ASPH: variants seen among roughly 807,000 people sequenced by gnomAD.
ASPH encodes aspartyl/asparaginyl beta-hydroxylase.
In ASPH, 100 loss-of-function variants were observed where a neutral mutation model predicts 118.4. That is an observed-to-expected ratio of 0.84 (90% CI 0.72 to 1.00). ASPH has a LOEUF of 1.00. Ranked by LOEUF, ASPH falls within the 50% of genes least tolerant of loss-of-function variation. ASPH has a pLI of 0.00. For missense variants in ASPH, 920 were observed against 919.5 expected (o/e 1.00, Z -0.01); for synonymous variants, 315 against 325.6 (o/e 0.97, Z 0.35).
rs951924583 is a variant in ASPH at position 61,547,535 on chromosome 8, A to G, written c.1764+536T>C. Among the ~76,000 whole-genome samples, 12 of 152,192 alleles carry G rather than the reference A, an allele frequency of 7.9e-5. No individual in the cohort carries two copies. The East Asian group carries it at 2.3e-3, about 29-fold the overall frequency. The stretch of plus-strand genomic sequence containing the variant: ...TTTTCCAGAAGCTACATGAGGTAGG[A>G]CATCACAGCTCTAACAGGTACATGT... On this transcript the variant is annotated intron_variant, in intron 21 of 24. Transcript: ENST00000379454.
intron 14 of ASPH, among the ~76,000 whole-genome samples, chr8:61,590,897 A>G (rs7834148): frequency 0.26 from 39,648 of 151,938 alleles, 6,013 homozygotes; most frequent in African/African-American, 0.41. Context: ...TCTTCTATCA[A>G]GTTTAAGGCA....
At chr8:61,604,561 C>A (rs914989065) in intron 14 of ASPH, among the ~76,000 whole-genome samples, 2 of 152,162 alleles carry the variant, frequency 1.3e-5, no homozygotes, top group Non-Finnish European at 2.9e-5. Flanking sequence ...AGCATACTGT[C>A]ACTTAGAAGG....
intron 1 of ASPH, among the ~76,000 whole-genome samples, chr8:61,704,839 T>C (rs190771120): frequency 6.6e-6 from 1 of 152,320 alleles, no homozygotes; most frequent in Admixed American, 6.5e-5. Context: ...TTGGTACATA[T>C]GTAGAACAAC....
intron 1 of ASPH, among the ~76,000 whole-genome samples, chr8:61,705,989 T>C (rs1299119216): frequency 3.3e-5 from 5 of 152,236 alleles, no homozygotes; most frequent in African/African-American, 9.6e-5. Flanking sequence ...TGGATACATA[T>C]TTTTTAAGTT....
intron 14 of ASPH, among the ~76,000 whole-genome samples, chr8:61,588,279 G>T (rs754318643): frequency 6.6e-6 from 1 of 152,140 alleles, no homozygotes; most frequent in Non-Finnish European, 1.5e-5. Context: ...TACTTCCCTT[G>T]CCAGGCTGTG....
intron 14 of ASPH, among the ~76,000 whole-genome samples, chr8:61,597,362 G>A (rs780577509): frequency 6.6e-6 from 1 of 151,486 alleles, no homozygotes; most frequent in African/African-American, 2.4e-5. Context: ...AGAAAAGAAA[G>A]GAAAGAAAAG....
intron 3 of ASPH, among the ~76,000 whole-genome samples, chr8:61,670,979 T>C (rs374083612): frequency 6.6e-6 from 1 of 152,102 alleles, no homozygotes; most frequent in Admixed American, 6.6e-5. Context: ...AGGGAAACTG[T>C]TGGAGCAGCA....
chr8:61,625,455 T>G (rs1012094549), intron 13 of ASPH: 12 of 985,276 alleles, frequency 1.2e-5, no homozygotes, highest in Middle Eastern at 5.2e-4. Flanking sequence ...TATACAGGTT[T>G]TCTAAAATTT....
At chr8:61,577,642 T>C (rs557058465) in intron 15 of ASPH, among the ~76,000 whole-genome samples, 7 of 152,126 alleles carry the variant, frequency 4.6e-5, no homozygotes, top group Non-Finnish European at 1.0e-4. Context: ...CTTGCGATTG[T>C]GGCAGAAGGC....
intron 17 of ASPH, among the ~76,000 whole-genome samples, chr8:61,564,545 C>G (rs1034279983): frequency 7.2e-5 from 11 of 152,248 alleles, no homozygotes; most frequent in Non-Finnish European, 1.3e-4. Flanking sequence ...GTGATCTGCC[C>G]ATCTTGGCTT....
At chr8:61,573,836 A>G (rs1330432374) in intron 16 of ASPH, among the ~76,000 whole-genome samples, 2 of 152,250 alleles carry the variant, frequency 1.3e-5, no homozygotes, top group Non-Finnish European at 2.9e-5. Flanking sequence ...AACAAAAGCC[A>G]AAATTGACAA....
intron 13 of ASPH, chr8:61,626,012 A>G: frequency 8.3e-7 from 1 of 1,210,894 alleles, no homozygotes. Flanking sequence ...AAGAAAAAAG[A>G]AATCCAATGG....
chr8:61,539,044 C>T (rs940306740), intron 21 of ASPH, among the ~76,000 whole-genome samples: 3 of 152,014 alleles, frequency 2.0e-5, no homozygotes, highest in Admixed American at 6.5e-5. Context: ...GAGTTTGAGA[C>T]CAGCTTGGCC....
chr8:61,629,471 G>A (rs1034041929), intron 13 of ASPH, among the ~76,000 whole-genome samples: 4 of 152,124 alleles, frequency 2.6e-5, no homozygotes, highest in African/African-American at 9.7e-5. Flanking sequence ...GTGAAAACCT[G>A]CTAATGGATG....
intron 15 of ASPH, chr8:61,578,918 G>A (rs1836361487): frequency 6.2e-7 from 1 of 1,611,698 alleles, no homozygotes; most frequent in African/African-American, 1.3e-5. Flanking sequence ...AGGAGATCCG[G>A]GAGCTGCAGT....
chr8:61,541,206 A>T (rs924864864), intron 21 of ASPH, among the ~76,000 whole-genome samples: 1 of 149,376 alleles, frequency 6.7e-6, no homozygotes, highest in East Asian at 2.2e-4. Flanking sequence ...ATTCATATTA[A>T]AAAAAAAATT....
At chr8:61,550,778 C>T (rs1223136234) in intron 20 of ASPH, among the ~76,000 whole-genome samples, 1 of 152,212 alleles carries the variant, frequency 6.6e-6, no homozygotes, top group African/African-American at 2.4e-5. Flanking sequence ...CAAGAAACAA[C>T]ATCCAGGTTC....
At chr8:61,512,555 C>A (rs1809306731) in intron 24 of ASPH, among the ~76,000 whole-genome samples, 1 of 152,186 alleles carries the variant, frequency 6.6e-6, no homozygotes, top group Non-Finnish European at 1.5e-5. Flanking sequence ...GCCTCCAGAA[C>A]CACGAAATAA....
At chr8:61,505,948 G>A (rs1431938671) in intron 24 of ASPH, among the ~76,000 whole-genome samples, 2 of 152,152 alleles carry the variant, frequency 1.3e-5, no homozygotes, top group East Asian at 1.9e-4. Context: ...CAATGTCAGT[G>A]GGTACCACAA....
Sources: allele counts gnomAD v4.1 joint callset (sites outside exome capture counted in the v4.1 genomes callset), GRCh38; gene constraint gnomAD v4.1.1; transcripts MANE v1.5; gene names NCBI Gene and HGNC (gene_info 2026-07-23, HGNC 2026-07-21).